N4BP2L2: variants seen among roughly 807,000 people sequenced by gnomAD.
N4BP2L2 encodes NEDD4 binding protein 2 like 2, also known as NEDD4-binding protein 2-like 2.
Under a neutral mutation model 56.2 loss-of-function variants are expected in N4BP2L2, and 50 were observed. That is an observed-to-expected ratio of 0.89 (90% confidence interval 0.71 to 1.13). The LOEUF is 1.13. Ranked by LOEUF, N4BP2L2 falls within the 50% of genes most tolerant of loss-of-function variation. The pLI is 0.00. For synonymous variants in N4BP2L2, 203 were observed against 223.6 expected, an observed-to-expected ratio of 0.91 and a Z score of 0.82; for missense variants, 689 against 693.8, an observed-to-expected ratio of 0.99 and a Z score of 0.08.
At chr13:32,527,671 A>G in intron 2 of N4BP2L2, 139 bp from the exon 3 acceptor site, 5 of 933,972 alleles carry the variant, frequency 5.4e-6, no homozygotes, top group Non-Finnish European at 8.0e-6. Context: ...CTTACCTGAA[A>G]GTATATCACG....
intron 6 of N4BP2L2, among the ~76,000 whole-genome samples, chr13:32,483,927 T>G (rs897328350): frequency 2.7e-5 from 4 of 146,824 alleles, no homozygotes; most frequent in African/African-American, 1.0e-4. Context: ...GAGGTTGCAG[T>G]GAGTCAAGAT....
In N4BP2L2 at chr13:32,497,304, T is replaced by C. The variant is rs374315130; in HGVS notation, c.365+20553A>G. Among the ~76,000 whole-genome samples the C allele has an allele frequency of 2.6e-5, 4 of 152,214 alleles. No individual in the cohort carries two copies. The East Asian group carries it at 7.7e-4, about 29-fold the overall frequency. ...CTCTTAAAGGACCAGGGTACTCTCA[T>C]GTACTAACTGCATAGAAGGGATAAA... On this transcript the variant is annotated intron_variant, in intron 6 of 9. Coordinates refer to the N4BP2L2 transcript ENST00000357505.
intron 6 of N4BP2L2, chr13:32,480,655 A>G: frequency 7.8e-7 from 1 of 1,282,346 alleles, no homozygotes; most frequent in Non-Finnish European, 1.0e-6. Context: ...TGGAAATAAC[A>G]TTTAGATTGT....
chr13:32,493,858 T>C (rs2139397095), intron 6 of N4BP2L2, among the ~76,000 whole-genome samples: 1 of 152,364 alleles, frequency 6.6e-6, no homozygotes, highest in South Asian at 2.1e-4. Flanking sequence ...CTTAGATTTT[T>C]GGGACAGCAA....
chr13:32,507,489 T>C (rs1435716662), downstream of N4BP2L2: 2 of 152,192 alleles, frequency 1.3e-5, no homozygotes, highest in Admixed American at 1.3e-4. Flanking sequence ...TCATTTATCC[T>C]ATATTCTATT....
chr13:32,472,785 C>T (rs1330429317), intron 6 of N4BP2L2, among the ~76,000 whole-genome samples: 1 of 152,144 alleles, frequency 6.6e-6, no homozygotes, highest in East Asian at 1.9e-4. Flanking sequence ...AATAGCCTGG[C>T]AGACATCCCT....
exon 6 of N4BP2L2, chr13:32,512,050 T>C (rs1273247121): frequency 6.6e-6 from 1 of 152,154 alleles, no homozygotes; most frequent in Non-Finnish European, 1.5e-5. Flanking sequence ...ACTTTAACTT[T>C]ACATGTACCA....
intron 4 of N4BP2L2, chr13:32,521,746 AC>A: frequency 3.5e-6 from 1 of 289,012 alleles, no homozygotes. Context: ...GAGGCTGAGC[AC>A]GGCAGATGGG....
At chr13:32,524,258 T>C (rs1221140813) in intron 3 of N4BP2L2, 1 of 152,236 alleles carries the variant, frequency 6.6e-6, no homozygotes, top group Non-Finnish European at 1.5e-5. Context: ...AGTGATCAAA[T>C]CTTCCATTCA....
At chr13:32,506,228 T>A (rs2090923810), downstream of N4BP2L2, 1 of 152,174 alleles carries the variant, frequency 6.6e-6, no homozygotes, top group Non-Finnish European at 1.5e-5. Context: ...TGTGTCCTAA[T>A]CTCTTCTTAA....
intron 5 of N4BP2L2, among the ~76,000 whole-genome samples, chr13:32,519,663 T>TA (rs1157294814): frequency 1.3e-5 from 2 of 151,204 alleles, no homozygotes; most frequent in Non-Finnish European, 3.0e-5. Context: ...AAAATAAAAA[T>TA]AAAAAAAGAT....
At chr13:32,477,809 G>A in intron 6 of N4BP2L2, 1 of 1,217,818 alleles carries the variant, frequency 8.2e-7, no homozygotes, top group Non-Finnish European at 1.1e-6. Context: ...ATACAGCTGA[G>A]AAATACTCAG....
At chr13:32,434,303 G>T (rs1200473818) in intron 9 of N4BP2L2, among the ~76,000 whole-genome samples, 1 of 122,624 alleles carries the variant, frequency 8.2e-6, no homozygotes, top group Non-Finnish European at 1.6e-5. Context: ...TCACCGTGTT[G>T]CCCAGGCTGG....
At chr13:32,468,230 G>A (rs1401571211) in intron 6 of N4BP2L2, among the ~76,000 whole-genome samples, 1 of 148,078 alleles carries the variant, frequency 6.8e-6, no homozygotes, top group African/African-American at 2.5e-5. Context: ...ATAGAACATT[G>A]GAAACAACAT....
chr13:32,494,683 G>C (rs1449668684), intron 6 of N4BP2L2, among the ~76,000 whole-genome samples: 4 of 150,990 alleles, frequency 2.6e-5, no homozygotes, highest in African/African-American at 9.7e-5. Context: ...GGAGAATGGC[G>C]TGAACCCGGG....
downstream of N4BP2L2, chr13:32,506,064 G>A (rs1421709088): frequency 6.6e-6 from 1 of 152,194 alleles, no homozygotes; most frequent in Non-Finnish European, 1.5e-5. Context: ...AGATTGGGTA[G>A]TTTAAAGAAC....
At chr13:32,464,489 C>A (rs1825320530) in intron 6 of N4BP2L2, among the ~76,000 whole-genome samples, 1 of 152,154 alleles carries the variant, frequency 6.6e-6, no homozygotes, top group African/African-American at 2.4e-5. Context: ...TCACGTCCAA[C>A]AGGAGAAGCC....
At position 32,493,145 on chromosome 13, in the gene N4BP2L2, G is replaced by T. The variant is rs189166868; in HGVS notation, c.365+24712C>A. Among the ~76,000 whole-genome samples, 15 of 151,660 alleles carry T rather than the reference G, an allele frequency of 9.9e-5. No individual in the cohort carries two copies. In the South Asian group the frequency reaches 3.1e-3, roughly 32 times the overall value. On this transcript the variant is annotated intron_variant, in intron 6 of 9. Transcript: ENST00000357505. ...TCACCATGTTGGCCAGGCTGCTCTC[G>T]AACTCCTGACCTCAGGTGATCCACC...
At chr13:32,534,298 C>T (rs544457842) in intron 2 of N4BP2L2, among the ~76,000 whole-genome samples, 2 of 152,258 alleles carry the variant, frequency 1.3e-5, no homozygotes, top group South Asian at 4.1e-4. Context: ...TAAATTCTAT[C>T]GAATTTCCAC....
Sources: allele counts gnomAD v4.1 joint callset (sites outside exome capture counted in the v4.1 genomes callset), GRCh38; gene constraint gnomAD v4.1.1; transcripts MANE v1.5; gene names NCBI Gene and HGNC (gene_info 2026-07-23, HGNC 2026-07-21).